Variants in PRDM16 observed in about 807,000 individuals in gnomAD.
The protein encoded by PRDM16 is histone-lysine N-methyltransferase PRDM16.
Under a neutral mutation model 110.6 loss-of-function variants are expected in PRDM16, and 23 were observed. The ratio of observed to expected loss-of-function variants is 0.21; its 90% CI spans 0.15 to 0.29. PRDM16 has a LOEUF of 0.29. Among genes scored for constraint, PRDM16 ranks in the 10% least tolerant of loss-of-function variants. The probability of loss-of-function intolerance (pLI) is 1.00; values close to 1 mark genes in which losing one functional copy is unlikely to be tolerated. For synonymous variants in PRDM16, 799 were observed against 781.8 expected, an observed-to-expected ratio of 1.02 and a Z score of -0.37; for missense variants, 1,615 against 1,794.3, an observed-to-expected ratio of 0.90 and a Z score of 1.81.
intron 2 of PRDM16, among the ~76,000 whole-genome samples, chr1:3,223,301 A>G (rs1048701579): frequency 1.3e-5 from 2 of 151,874 alleles, no homozygotes; most frequent in African/African-American, 2.4e-5. Context: ...CGGAGTTGCT[A>G]TCGATTTTCG....
rs548314976 is a variant in PRDM16, at chr1:3,158,491, T to C, written c.38-27634T>C. 2.0e-5 allele frequency among the ~76,000 whole-genome samples: 3 copies of C among 152,322 alleles called. No individual in the cohort carries two copies. In the East Asian group the frequency reaches 5.8e-4, roughly 29 times the overall value. ...ATTTTCTCGCCTATACCTAAGTCACTGATATTTCAATATTTTTGCTGAGTC... is the reference window on the plus strand; with the variant it reads ...ATTTTCTCGCCTATACCTAAGTCACCGATATTTCAATATTTTTGCTGAGTC... On this transcript the variant is annotated intron_variant, in intron 1 of 16. Coordinates refer to ENST00000270722, the MANE Select transcript of PRDM16 (RefSeq NM_022114.4).
intron 3 of PRDM16, among the ~76,000 whole-genome samples, chr1:3,374,408 T>A (rs747300974): frequency 3.9e-5 from 6 of 152,234 alleles, no homozygotes; most frequent in Non-Finnish European, 7.3e-5. Context: ...ACACAACTTT[T>A]CAGAGGCGAA....
intron 3 of PRDM16, among the ~76,000 whole-genome samples, chr1:3,260,839 G>A (rs1012479953): frequency 3.9e-5 from 5 of 129,368 alleles, no homozygotes; most frequent in Non-Finnish European, 8.3e-5. Flanking sequence ...ATGATGATGA[G>A]CCTCAAGGTC....
At chr1:3,224,527 C>G (rs1177417620) in intron 2 of PRDM16, among the ~76,000 whole-genome samples, 7 of 152,230 alleles carry the variant, frequency 4.6e-5, no homozygotes. Flanking sequence ...GCCACTCTCT[C>G]TCCCTCTCCC....
chr1:3,297,301 T>TG (rs1641109797), intron 3 of PRDM16, among the ~76,000 whole-genome samples: 1 of 147,914 alleles, frequency 6.8e-6, no homozygotes, highest in African/African-American at 2.5e-5. Context: ...TTTTTTTTTT[T>TG]TTGACAGAAT....
chr1:3,139,498 G>A (rs1223482746), intron 1 of PRDM16, among the ~76,000 whole-genome samples: 11 of 152,230 alleles, frequency 7.2e-5, no homozygotes, highest in Admixed American at 1.3e-4. Flanking sequence ...GGGGTCCCTC[G>A]GGGGCTGCAG....
chr1:3,400,176 C>T (rs1023184791), intron 5 of PRDM16, among the ~76,000 whole-genome samples: 3 of 152,252 alleles, frequency 2.0e-5, no homozygotes, highest in Non-Finnish European at 4.4e-5. Context: ...CCCACTGCTC[C>T]ACCTCTTCCT....
At chr1:3,152,393 C>T (rs879427093) in intron 1 of PRDM16, among the ~76,000 whole-genome samples, 8,972 of 123,476 alleles carry the variant, frequency 0.073, 760 homozygotes, top group East Asian at 0.3. Context: ...TTTATCCATC[C>T]ATCCATCCAT....
rs765002600 is a variant in PRDM16 at position 3,412,581 on chromosome 1, C to T, written c.2384C>T (p.Pro795Leu). 5 of 1,606,164 alleles carry T rather than the reference C, an allele frequency of 3.1e-6. No homozygotes were observed. The African/African-American group carries it at 5.3e-5, about 17-fold the overall frequency. The change falls in exon 9 of 17, where the codon CCC (proline) becomes CTC (leucine). Residue 795 changes from proline (P) to leucine (L), a missense_variant. Coordinates refer to ENST00000270722, the MANE Select transcript of PRDM16 (RefSeq NM_022114.4). ...CCCATGCCCAAGGGCCCCTCGGCCC[C>T]CGCATCCGGCGAGGAGCAGCCGCTG... ...ILPMPKGPSA[P>L]ASGEEQPLDL...
Position 3,157,379 on chromosome 1 carries a change from C to G in PRDM16, c.38-28746C>G, listed in dbSNP as rs1643866980. Among the ~76,000 whole-genome samples the G allele has an allele frequency of 2.0e-5, 3 of 146,836 alleles. No individual in the cohort carries two copies. The South Asian group carries it at 6.5e-4, about 32-fold the overall frequency. ...ATTGACTGAATTTACAGCATTTGATCTGGGGACCTGCCCCCAGGCTCCCAG... is the reference window on the plus strand; with the variant it reads ...ATTGACTGAATTTACAGCATTTGATGTGGGGACCTGCCCCCAGGCTCCCAG... On this transcript the variant is annotated intron_variant, in intron 1 of 16. Transcript: ENST00000270722. The surrounding 1 kb of genome is among the most constrained non-coding windows in gnomAD (Gnocchi z 4.8).
chr1:3,192,807 C>T (rs1037395335), intron 2 of PRDM16, among the ~76,000 whole-genome samples: 3 of 152,212 alleles, frequency 2.0e-5, no homozygotes, highest in African/African-American at 7.2e-5. Flanking sequence ...GAGACAGACA[C>T]ACCCGGCTGC....
At chr1:3,180,909 T>C (rs981526566) in intron 1 of PRDM16, among the ~76,000 whole-genome samples, 7 of 131,048 alleles carry the variant, frequency 5.3e-5, no homozygotes, top group East Asian at 2.3e-4. Context: ...CACGCAGTCT[T>C]ACACGCAGCC....
intron 4 of PRDM16, among the ~76,000 whole-genome samples, chr1:3,391,207 T>C (rs1643294514): frequency 6.6e-6 from 1 of 152,132 alleles, no homozygotes; most frequent in Non-Finnish European, 1.5e-5. Flanking sequence ...CCTCCCACCA[T>C]GCGACACAGT....
intron 1 of PRDM16, among the ~76,000 whole-genome samples, chr1:3,096,538 T>TC (rs1360740519): frequency 2.0e-5 from 3 of 152,142 alleles, no homozygotes; most frequent in African/African-American, 7.2e-5. Flanking sequence ...AGCCTGAGCT[T>TC]CCCCTCTGCA....
chr1:3,170,904 G>A (rs1025760267), intron 1 of PRDM16, among the ~76,000 whole-genome samples: 3 of 152,240 alleles, frequency 2.0e-5, no homozygotes, highest in South Asian at 4.1e-4. Context: ...GCAGGCCACC[G>A]GGGAAACGTG....
chr1:3,212,679 C>G (rs1638923981), intron 2 of PRDM16, among the ~76,000 whole-genome samples: 1 of 152,154 alleles, frequency 6.6e-6, no homozygotes, highest in African/African-American at 2.4e-5. Context: ...CCTCCCGGCC[C>G]CCTCGCTGCG....
At chr1:3,331,802 C>T (rs936080464) in intron 3 of PRDM16, among the ~76,000 whole-genome samples, 8 of 152,190 alleles carry the variant, frequency 5.3e-5, no homozygotes, top group Non-Finnish European at 1.0e-4. Context: ...TTAGTAGGCT[C>T]CCCGCTCGGG....
At chr1:3,152,192 G>A (rs754353878) in intron 1 of PRDM16, among the ~76,000 whole-genome samples, 8 of 152,216 alleles carry the variant, frequency 5.3e-5, no homozygotes, top group Non-Finnish European at 7.3e-5. Context: ...GGTGGGGAAG[G>A]CAGGAGTCTC....
At chr1:3,346,387 C>T (rs1398379490) in intron 3 of PRDM16, among the ~76,000 whole-genome samples, 1 of 152,104 alleles carries the variant, frequency 6.6e-6, no homozygotes, top group Non-Finnish European at 1.5e-5. Flanking sequence ...AAAGTCAGGG[C>T]CTTGGGCAGA....
Sources: gnomAD v4.1 joint callset for allele counts (sites outside exome capture counted in the v4.1 genomes callset) on GRCh38, gnomAD v4.1.1 for gene constraint, Gnocchi (gnomAD v3.1) non-coding constraint, MANE v1.5 for transcripts, NCBI Gene and HGNC (gene_info 2026-07-23, HGNC 2026-07-21) for gene names.